Variants in RASSF3 observed in about 807,000 individuals in gnomAD.
RASSF3 encodes ras association domain-containing protein 3.
Under a neutral mutation model 19.9 loss-of-function variants are expected in RASSF3, and 19 were observed. The observed-to-expected ratio is 0.96, with a 90% CI of 0.67 to 1.40. The LOEUF is 1.40. RASSF3 is among the 40% of genes most tolerant of loss of function. RASSF3 has a pLI of 0.00. For synonymous variants in RASSF3, 110 were observed against 104.2 expected (o/e 1.06, Z -0.34); for missense variants, 306 against 289.8 (o/e 1.06, Z -0.41).
chr12:64,594,643 G>A (rs1451635319), intron 2 of RASSF3, among the ~76,000 whole-genome samples: 1 of 152,080 alleles, frequency 6.6e-6, no homozygotes, highest in Non-Finnish European at 1.5e-5. Context: ...ATGCCACTTT[G>A]GTATAGCGAT....
chr12:64,582,088 A>G (rs1869712555), intron 2 of RASSF3, among the ~76,000 whole-genome samples: 1 of 152,086 alleles, frequency 6.6e-6, no homozygotes, highest in East Asian at 1.9e-4. Context: ...CCTGGGCACA[A>G]GTGATCCTCT....
At chr12:64,643,157 C>T (rs890811818) in intron 1 of RASSF3, among the ~76,000 whole-genome samples, 25 of 152,106 alleles carry the variant, frequency 1.6e-4, no homozygotes, top group African/African-American at 5.5e-4. Flanking sequence ...TGAGCCATCA[C>T]GCCTGGCCCG....
rs370470808 is a variant in RASSF3, at chr12:64,665,854, T to C, written c.112-18933T>C. On this transcript the variant is annotated intron_variant, in intron 1 of 4. Transcript: ENST00000542104. ...TCCTAAGTGCAGTTGAGAATCTTCC[T>C]GGGCTGAGCCCCAGTTTGGGAGCTT... 4.6e-5 allele frequency among the ~76,000 whole-genome samples: 7 copies of C among 152,352 alleles called. No individual in the cohort carries two copies. The South Asian group carries it at 1.2e-3, about 27-fold the overall frequency.
chr12:64,584,503 GAAAAAA>G (rs11461888), intron 2 of RASSF3, among the ~76,000 whole-genome samples: 4 of 112,720 alleles, frequency 3.5e-5, no homozygotes, highest in African/African-American at 6.9e-5. Context: ...TCCAGGCTAA[GAAAAAA>G]AAAAAAAAAA....
intron 2 of RASSF3, among the ~76,000 whole-genome samples, chr12:64,556,643 C>T (rs1017621878): frequency 7.9e-5 from 12 of 152,018 alleles, no homozygotes; most frequent in South Asian, 2.1e-4. Flanking sequence ...CAGTTATGCT[C>T]GCCACAGCAG....
rs183236192 is a variant in RASSF3 at position 64,687,169 on chromosome 12, T to A, written c.220-1047T>A. Among the ~76,000 whole-genome samples the A allele has an allele frequency of 2.2e-3, 338 of 152,140 alleles. 1 individual carries two copies. The highest frequency in any genetic ancestry group is 6.0e-3 in the African/African-American group (251 of 41,508). On this transcript the variant is annotated intron_variant, in intron 2 of 4. Transcript: ENST00000542104. ...CCACCACACCCAGCTAATTTTTTTTTATTTTTATTTTTAGTAGAGACGGGA... is the reference window on the plus strand; with the variant it reads ...CCACCACACCCAGCTAATTTTTTTTAATTTTTATTTTTAGTAGAGACGGGA...
intron 1 of RASSF3, among the ~76,000 whole-genome samples, chr12:64,651,815 A>G (rs1160430213): frequency 2.0e-5 from 3 of 151,982 alleles, no homozygotes; most frequent in African/African-American, 7.3e-5. Context: ...TGTGCACGCC[A>G]CCACACCTGG....
upstream of RASSF3, among the ~76,000 whole-genome samples, chr12:64,531,321 C>T (rs1868703902): frequency 6.6e-6 from 1 of 152,186 alleles, no homozygotes; most frequent in Non-Finnish European, 1.5e-5. Context: ...GTCCTTTTTC[C>T]ACTGAAGTAC....
intron 1 of RASSF3, among the ~76,000 whole-genome samples, chr12:64,520,555 CATATATATATATATATATAT>C (rs66975333): frequency 0.19 from 16,315 of 86,480 alleles, 1,260 homozygotes; most frequent in Middle Eastern, 0.3. Context: ...CACATACACA[CATATATATATATATATATAT>C]ATATATATAT....
intron 2 of RASSF3, among the ~76,000 whole-genome samples, chr12:64,592,655 G>T (rs546731956): frequency 6.6e-6 from 1 of 152,034 alleles, no homozygotes; most frequent in African/African-American, 2.4e-5. Context: ...TTTCTGTTTT[G>T]AGATAGGGTC....
chr12:64,662,663 T>G (rs1872410654), intron 1 of RASSF3, among the ~76,000 whole-genome samples: 1 of 152,156 alleles, frequency 6.6e-6, no homozygotes, highest in South Asian at 2.1e-4. Context: ...TCTCTGCGTG[T>G]GTATATGTGT....
intron 2 of RASSF3, among the ~76,000 whole-genome samples, chr12:64,553,872 G>C (rs1056738352): frequency 5.3e-5 from 8 of 151,722 alleles, no homozygotes; most frequent in Admixed American, 3.9e-4. Context: ...AGCAACTCGA[G>C]AGGCTGAGGT....
upstream of RASSF3, among the ~76,000 whole-genome samples, chr12:64,528,804 C>T (rs1392443351): frequency 6.6e-6 from 1 of 152,200 alleles, no homozygotes; most frequent in Non-Finnish European, 1.5e-5. Flanking sequence ...CCCCCCGCAG[C>T]TGTGACTCGC....
chr12:64,544,385 G>A (rs1869014904), downstream of RASSF3, among the ~76,000 whole-genome samples: 6 of 152,182 alleles, frequency 3.9e-5, no homozygotes, highest in Admixed American at 3.9e-4. Context: ...ACAAACTCCA[G>A]ACATGCTGCT....
At chr12:64,614,526 T>G (rs576224247) in intron 1 of RASSF3, among the ~76,000 whole-genome samples, 2 of 152,230 alleles carry the variant, frequency 1.3e-5, no homozygotes, top group East Asian at 3.9e-4. Flanking sequence ...TATTTAGTGA[T>G]TGTATAAGGC....
intron 1 of RASSF3, among the ~76,000 whole-genome samples, chr12:64,509,949 T>C (rs929876231): frequency 7.9e-5 from 12 of 152,020 alleles, no homozygotes; most frequent in African/African-American, 2.9e-4. Flanking sequence ...TAGCCAGGCA[T>C]GATGGCAACC....
At position 64,553,739 on chromosome 12, in the gene RASSF3, G is replaced by A. The variant is rs147575989; in HGVS notation, c.294+12034G>A. Among the ~76,000 whole-genome samples the A allele has an allele frequency of 8.4e-3, 1,273 of 152,256 alleles. 23 individuals carry two copies. The highest frequency in any genetic ancestry group is 0.03 in the African/African-American group (1,230 of 41,542). ...CACCTGTAATCCCAGCACTTTGGGA[G>A]GTGGAGGTGGGTGAATCACTTGAGC... On this transcript the variant is annotated intron_variant, in intron 2 of 5. Transcript: ENST00000637125.
At chr12:64,547,835 T>C in intron 2 of RASSF3, among the ~76,000 whole-genome samples, 1 of 152,134 alleles carries the variant, frequency 6.6e-6, no homozygotes, top group Non-Finnish European at 1.5e-5. Context: ...ATAAAAACAA[T>C]GCATGATTAT....
intron 1 of RASSF3, among the ~76,000 whole-genome samples, chr12:64,618,525 T>C (rs900224649): frequency 2.0e-5 from 3 of 152,002 alleles, no homozygotes; most frequent in Non-Finnish European, 2.9e-5. Flanking sequence ...GACGGGGTTA[T>C]ACCATGTTGG....
Sources: allele counts gnomAD v4.1 joint callset (sites outside exome capture counted in the v4.1 genomes callset), GRCh38; gene constraint gnomAD v4.1.1; transcripts MANE v1.5; gene names NCBI Gene and HGNC (gene_info 2026-07-23, HGNC 2026-07-21).